CSN3: variants seen among roughly 807,000 people sequenced by gnomAD.
CSN3 encodes kappa-casein.
In CSN3, 7 loss-of-function variants were observed where a neutral mutation model predicts 9.9. The observed-to-expected ratio is 0.71, with a 90% CI of 0.40 to 1.33. The LOEUF (loss-of-function observed/expected upper bound fraction) is 1.33. Ranked by LOEUF, CSN3 falls within the 40% of genes most tolerant of loss-of-function variation. CSN3 has a pLI of 0.01. For missense variants in CSN3, 253 were observed against 227.9 expected, an observed-to-expected ratio of 1.11 and a Z score of -0.71; for synonymous variants, 88 against 82.3, an observed-to-expected ratio of 1.07 and a Z score of -0.37.
At chr4:70,248,407 T>G (rs951435007) in intron 3 of CSN3, among the ~76,000 whole-genome samples, 2 of 152,282 alleles carry the variant, frequency 1.3e-5, no homozygotes, top group East Asian at 3.9e-4. Context: ...ATTCTTTATC[T>G]AATCTTTTGT....
At chr4:70,250,343 C>T (rs1357042448) in intron 4 of CSN3, among the ~76,000 whole-genome samples, 1 of 152,052 alleles carries the variant, frequency 6.6e-6, no homozygotes, top group Non-Finnish European at 1.5e-5. Context: ...ATCTAAAATA[C>T]CAGACAATGG....
intron 3 of CSN3, among the ~76,000 whole-genome samples, chr4:70,248,568 T>C (rs1267730015): frequency 6.6e-6 from 1 of 152,136 alleles, no homozygotes; most frequent in Non-Finnish European, 1.5e-5. Flanking sequence ...ATTACAAATA[T>C]GTGGTGAGAA....
intron 2 of CSN3, among the ~76,000 whole-genome samples, chr4:70,246,708 G>A (rs1180268134): frequency 7.2e-6 from 1 of 139,644 alleles, no homozygotes; most frequent in Non-Finnish European, 1.5e-5. Context: ...GTCTCGCTTG[G>A]TCGCCCAGGT....
In CSN3 at chr4:70,244,795, T is replaced by C; in HGVS notation, c.-8-17T>C. On this transcript the variant is annotated splice_polypyrimidine_tract_variant and intron_variant, in intron 1 of 4. Coordinates refer to ENST00000304954, the Ensembl canonical transcript of CSN3. Reference sequence around the variant, plus strand: ...ACAAATTCTTTTAAATTAATTTTTTTTTAAATTTATCTTTAGGTGCAATAA... The same window carrying C: ...ACAAATTCTTTTAAATTAATTTTTTCTTAAATTTATCTTTAGGTGCAATAA... 1 of 1,447,044 alleles carries C rather than the reference T, an allele frequency of 6.9e-7. No homozygotes were observed. Among genetic ancestry groups the C allele is most frequent in the Non-Finnish European group, 9.3e-7 (1 of 1,078,044 alleles). 89.6% of individuals were successfully genotyped at this position (1,447,044 alleles called of 1,614,324 possible). A position where few individuals can be genotyped will look rare whatever the true frequency, so the allele number is the denominator to read the frequency against.
Position 70,246,897 on chromosome 4 carries a change from C to T in CSN3, c.55-921C>T, listed in dbSNP as rs896547332. On this transcript the variant is annotated intron_variant, in intron 2 of 4. Transcript: ENST00000304954. ...ATGTTGGCCAGGCTGGTCTTGAACC[C>T]CTGACCTCAGATGATCCACCCACCT... Among the ~76,000 whole-genome samples the T allele has an allele frequency of 3.9e-5, 6 of 152,068 alleles. No individual in the cohort carries two copies. In the South Asian group the frequency reaches 1.2e-3, roughly 32 times the overall value.
upstream of CSN3, among the ~76,000 whole-genome samples, chr4:70,241,454 T>C (rs116425692): frequency 0.012 from 1,770 of 152,144 alleles, 14 homozygotes; most frequent in East Asian, 0.021. Context: ...ATAACTACAA[T>C]GCTGATATTA....
At chr4:70,247,711 G>T (rs944071315) in intron 2 of CSN3, 107 bp from the exon 3 acceptor site, 8 of 945,966 alleles carry the variant, frequency 8.5e-6, no homozygotes, top group Admixed American at 2.8e-5. Context: ...AAAATAAAAA[G>T]AAAACATATT....
intron 1 of CSN3, among the ~76,000 whole-genome samples, chr4:70,244,484 TG>T (rs1373256739): frequency 6.6e-6 from 1 of 152,030 alleles, no homozygotes; most frequent in Non-Finnish European, 1.5e-5. Flanking sequence ...CTCTTACAGT[TG>T]TTTTTCAGTA....
exon 4 of CSN3, chr4:70,249,405 C>T (rs745513111): frequency 1.9e-6 from 3 of 1,614,044 alleles, no homozygotes; most frequent in South Asian, 1.1e-5. Flanking sequence ...CAGAGTCCAT[C>T]ATCACGAGCA....
intron 4 of CSN3, 111 bp downstream of exon 4, chr4:70,249,604 C>G: frequency 1.5e-6 from 1 of 687,892 alleles, no homozygotes; most frequent in East Asian, 2.7e-5. Context: ...GTTACAGAAG[C>G]AGACAAAACA....
exon 4 of CSN3, chr4:70,249,040 C>T: frequency 6.2e-7 from 1 of 1,611,380 alleles, no homozygotes; most frequent in Non-Finnish European, 8.5e-7. Flanking sequence ...GAAAACAGCT[C>T]CATATGTCCC....
exon 4 of CSN3, chr4:70,249,138 G>A: frequency 2.5e-6 from 4 of 1,613,998 alleles, no homozygotes; most frequent in African/African-American, 1.3e-5. Flanking sequence ...ATCCATATGT[G>A]CCTCGCACAT....
chr4:70,244,754 T>C, intron 1 of CSN3, 58 bp from the exon 2 acceptor site: 1 of 994,908 alleles, frequency 1.0e-6, no homozygotes, highest in Non-Finnish European at 1.4e-6. Flanking sequence ...TTCAAGTCAC[T>C]CCTAAATTTC....
chr4:70,243,217 T>C, intron 1 of CSN3: 1 of 946,162 alleles, frequency 1.1e-6, no homozygotes. Context: ...CTGTGATTTT[T>C]GTTTGTGCCA....
In CSN3 at chr4:70,249,111, AGC is replaced by A; in HGVS notation, c.202_203del (p.Ala68TyrfsTer4). On this transcript the variant is annotated frameshift_variant, in exon 4 of 5. Transcript: ENST00000304954. LOFTEE classifies it high-confidence loss of function. ...GAACCAATTTGTACCAACGTAGACCAGCTATAGCAATTAATAATCCATATGTG... is the reference window on the plus strand; with the variant it reads ...GAACCAATTTGTACCAACGTAGACCATATAGCAATTAATAATCCATATGTG... The A allele has an allele frequency of 6.2e-7, 1 of 1,614,068 alleles. No homozygotes were observed. Among genetic ancestry groups the A allele is most frequent in the Non-Finnish European group, 8.5e-7 (1 of 1,179,962 alleles).
intron 3 of CSN3, 100 bp from the exon 4 acceptor site, chr4:70,248,898 C>A: frequency 2.6e-6 from 2 of 783,132 alleles, no homozygotes; most frequent in Non-Finnish European, 3.9e-6. Flanking sequence ...ATATCTTACT[C>A]AATGGTAAAT....
upstream of CSN3, among the ~76,000 whole-genome samples, chr4:70,240,526 GCT>G (rs1467874253): frequency 6.6e-6 from 1 of 151,950 alleles, no homozygotes; most frequent in Non-Finnish European, 1.5e-5. Flanking sequence ...CACCATCGCA[GCT>G]TCCTTGGAGA....
chr4:70,239,287 C>T (rs1399251), upstream of CSN3, among the ~76,000 whole-genome samples: 17,159 of 151,656 alleles, frequency 0.11, 1,269 homozygotes, highest in East Asian at 0.27. Context: ...AAGCCAAGAG[C>T]TGCTACAACA....
At chr4:70,238,955 G>T (rs1010381995), upstream of CSN3, among the ~76,000 whole-genome samples, 1 of 151,758 alleles carries the variant, frequency 6.6e-6, no homozygotes, top group African/African-American at 2.4e-5. Flanking sequence ...ATAATTTGGA[G>T]ATGTCTATTT....
Sources: allele counts gnomAD v4.1 joint callset (sites outside exome capture counted in the v4.1 genomes callset), GRCh38; gene constraint gnomAD v4.1.1; transcripts MANE v1.5; gene names NCBI Gene and HGNC (gene_info 2026-07-23, HGNC 2026-07-21).